The following ISY1 variants were observed in gnomAD, a reference collection of about 807,000 sequenced individuals.
ISY1 encodes the protein ISY1 spliceosome associated protein.
Under a neutral mutation model 54.4 loss-of-function variants are expected in ISY1, and 12 were observed. The ratio of observed to expected loss-of-function variants is 0.22; its 90% CI spans 0.14 to 0.36. The LOEUF (loss-of-function observed/expected upper bound fraction) is 0.36, where lower values mean the gene tolerates loss of function less well. Ranked by LOEUF, ISY1 falls within the 10% of genes least tolerant of loss-of-function variation. ISY1 has a pLI of 1.00. For synonymous variants in ISY1, 96 were observed against 117.9 expected (o/e 0.81, Z 1.20); for missense variants, 282 against 342.2 (o/e 0.82, Z 1.39).
chr3:129,141,422 C>T (rs1936608743), intron 6 of ISY1, among the ~76,000 whole-genome samples: 1 of 151,954 alleles, frequency 6.6e-6, no homozygotes, highest in Non-Finnish European at 1.5e-5. Context: ...CACTGCATTC[C>T]AGCCTGGGTG....
At chr3:129,156,361 T>G (rs1937141037) in intron 5 of ISY1, among the ~76,000 whole-genome samples, 1 of 142,340 alleles carries the variant, frequency 7.0e-6, no homozygotes. Flanking sequence ...ATCGCACCAC[T>G]GCACTCCAGC....
chr3:129,153,056 C>T (rs1336108954), intron 5 of ISY1, among the ~76,000 whole-genome samples: 1 of 143,756 alleles, frequency 7.0e-6, no homozygotes, highest in African/African-American at 2.6e-5. Context: ...GTCACCCAGG[C>T]TGGAGTGCAG....
At chr3:129,157,744 G>A (rs186007189) in intron 3 of ISY1, among the ~76,000 whole-genome samples, 2 of 147,822 alleles carry the variant, frequency 1.4e-5, no homozygotes, top group African/African-American at 5.0e-5. Context: ...AAAAAGGGCC[G>A]GGCCCAGTCA....
chr3:129,160,912 C>T, intron 1 of ISY1, 61 bp downstream of exon 1: 1 of 689,046 alleles, frequency 1.5e-6, no homozygotes. Flanking sequence ...CCCAGGTGGA[C>T]TGGGCGCCCC....
At chr3:129,136,318 T>C (rs1936400000) in intron 7 of ISY1, among the ~76,000 whole-genome samples, 1 of 151,978 alleles carries the variant, frequency 6.6e-6, no homozygotes, top group African/African-American at 2.4e-5. Flanking sequence ...GCCAGGCAAG[T>C]CTCGAACTCC....
chr3:129,156,842 A>G lies in ISY1; in HGVS notation c.144+13T>C, dbSNP rs369605829. 4.0e-5 allele frequency: 64 copies of G among 1,612,664 alleles called. No homozygotes were observed. The highest frequency in any genetic ancestry group is 5.0e-5 in the Non-Finnish European group (59 of 1,179,640). ...TGTTACTTCTACTGAAATCAGATTT[A>G]CCCAGAACATACCTGTCGTCTCCAC... On this transcript the variant is annotated intron_variant, in intron 4 of 10. Coordinates refer to ENST00000393295, the MANE Select transcript of ISY1 (RefSeq NM_020701.4).
At chr3:129,154,191 T>C (rs1349052458) in intron 5 of ISY1, among the ~76,000 whole-genome samples, 7 of 139,728 alleles carry the variant, frequency 5.0e-5, no homozygotes, top group Non-Finnish European at 7.5e-5. Flanking sequence ...TGCAGTGAGC[T>C]GAGATGGCGC....
Position 129,158,410 on chromosome 3 carries a change from C to G in ISY1, c.78+98G>C, listed in dbSNP as rs1937208940. ...CTAGACTCAAGTGATCCACCCACCTCAGCCTCCCCAAGTATTGGGATTACA... is the reference window on the plus strand; with the variant it reads ...CTAGACTCAAGTGATCCACCCACCTGAGCCTCCCCAAGTATTGGGATTACA... On this transcript the variant is annotated intron_variant, in intron 3 of 10. Transcript: ENST00000393295. 4 of 1,550,398 alleles carry G rather than the reference C, an allele frequency of 2.6e-6. No individual in the cohort carries two copies. The East Asian group carries it at 9.1e-5, about 35-fold the overall frequency.
At chr3:129,149,607 AAAAATATATATATATATATAT>A (rs1221852667) in intron 5 of ISY1, among the ~76,000 whole-genome samples, 2 of 82,538 alleles carry the variant, frequency 2.4e-5, no homozygotes, top group Non-Finnish European at 4.4e-5. Flanking sequence ...AAAAAAAAAA[AAAAATATATATATATATATAT>A]ATATATATAC....
intron 5 of ISY1, among the ~76,000 whole-genome samples, chr3:129,154,242 CAAAAAA>C (rs777277943): frequency 2.1e-5 from 1 of 47,806 alleles, no homozygotes; most frequent in African/African-American, 7.3e-5. Flanking sequence ...GACTCTGTCT[CAAAAAA>C]AAAAAAAAAA....
intron 5 of ISY1, among the ~76,000 whole-genome samples, chr3:129,154,649 T>A (rs1017799519): frequency 1.3e-5 from 2 of 151,836 alleles, no homozygotes; most frequent in Non-Finnish European, 1.5e-5. Context: ...TGTGTATATT[T>A]TTTCTTGGTC....
rs1226824686 is a variant in ISY1, at chr3:129,130,575, T to C, written c.725A>G (p.His242Arg). 6.2e-7 allele frequency: 1 copy of C among 1,614,176 alleles called. No individual in the cohort carries two copies. The change falls in exon 10 of 11, where the codon CAC (histidine) becomes CGC (arginine). Residue 242 changes from histidine (H) to arginine (R), a missense_variant. Physicochemically the swap from His to Arg is conservative, Grantham distance 29. Coordinates refer to ENST00000393295, the MANE Select transcript of ISY1 (RefSeq NM_020701.4). ...GDDSQQKFIA[H>R]VPVPSQQEIE... Reference sequence around the variant, plus strand: ...CTCTTGCTGCGAGGGAACAGGGACGTGAGCAATGAACTTCTGCTGGCTGTC... The same window carrying C: ...CTCTTGCTGCGAGGGAACAGGGACGCGAGCAATGAACTTCTGCTGGCTGTC...
Position 129,134,213 on chromosome 3 carries a change from T to C in ISY1, c.542-18A>G. 6.2e-7 allele frequency: 1 copy of C among 1,613,950 alleles called. No individual in the cohort carries two copies. Among genetic ancestry groups the C allele is most frequent in the Non-Finnish European group, 8.5e-7 (1 of 1,180,000 alleles). On this transcript the variant is annotated intron_variant, in intron 8 of 10. Transcript: ENST00000393295. ...GGCTCTGACTGAACACAAGAGAGGG[T>C]AGGTGCTATTTATTTGTCTCTAAAT...
chr3:129,159,208 C>G, intron 1 of ISY1, 32 bp from the exon 2 acceptor site: 1 of 1,592,018 alleles, frequency 6.3e-7, no homozygotes, highest in Non-Finnish European at 8.5e-7. Flanking sequence ...GAAAAATGTC[C>G]ATGTTTAAAA....
At chr3:129,135,098 T>TA in intron 7 of ISY1, 144 bp from the exon 8 acceptor site, 1 of 1,187,704 alleles carries the variant, frequency 8.4e-7, no homozygotes, top group Admixed American at 3.3e-5. Flanking sequence ...CTTGTAATCC[T>TA]AGCGCTTTGG....
intron 9 of ISY1, among the ~76,000 whole-genome samples, chr3:129,133,311 T>G (rs767358024): frequency 6.6e-6 from 1 of 152,214 alleles, no homozygotes; most frequent in Non-Finnish European, 1.5e-5. Context: ...TCAGAAAATA[T>G]GCAAAAGGTC....
chr3:129,151,149 T>C (rs1254784603), intron 5 of ISY1, among the ~76,000 whole-genome samples: 2 of 146,804 alleles, frequency 1.4e-5, no homozygotes, highest in Non-Finnish European at 3.0e-5. Context: ...TATATAAATA[T>C]ATAAAATATA....
In ISY1 at chr3:129,134,945, G is replaced by C. The variant is rs549766714; in HGVS notation, c.428C>G (p.Pro143Arg). The change falls in exon 8 of 11, where the codon CCT becomes CGT. Residue 143 changes from proline (P) to arginine (R), a missense_variant. By Grantham distance (103) the Pro-to-Arg change is moderately radical. Around this residue, in one of 2 missense-constraint regions of ISY1, gnomAD observed 279 missense variants for 323.6 expected, o/e 0.86. Coordinates refer to ENST00000393295, the MANE Select transcript of ISY1 (RefSeq NM_020701.4). The part of the protein sequence containing the change: ...RELFEKEPLP[P>R]PRKTRAELMK... Reference sequence around the variant, plus strand: ...GAGCTCAGCACGTGTCTTTCTGGGAGGAGGAAGAGCTATAAGAAACAGAAA... The same window carrying C: ...GAGCTCAGCACGTGTCTTTCTGGGACGAGGAAGAGCTATAAGAAACAGAAA... The C allele has an allele frequency of 6.2e-7, 1 of 1,606,316 alleles. No individual in the cohort carries two copies. Among genetic ancestry groups the C allele is most frequent in the East Asian group, 2.2e-5 (1 of 44,604 alleles).
intron 10 of ISY1, 73 bp downstream of exon 10, chr3:129,130,477 C>T: frequency 6.4e-7 from 1 of 1,561,314 alleles, no homozygotes; most frequent in Non-Finnish European, 8.7e-7. Flanking sequence ...CAACGAAAAC[C>T]CACTACAGTG....
Sources: allele counts gnomAD v4.1 joint callset (sites outside exome capture counted in the v4.1 genomes callset), GRCh38; gene constraint gnomAD v4.1.1; regional missense constraint gnomAD v4.1.1; transcripts MANE v1.5; gene names NCBI Gene and HGNC (gene_info 2026-07-23, HGNC 2026-07-21).